Variants in ZNF385D observed in about 807,000 individuals in gnomAD.
ZNF385D encodes the protein zinc finger protein 659.
A neutral mutation model predicts 35.8 loss-of-function variants in ZNF385D; 15 were observed. That is an observed-to-expected ratio of 0.42 (90% CI 0.28 to 0.64). The LOEUF (loss-of-function observed/expected upper bound fraction) is 0.64, where lower values mean the gene tolerates loss of function less well. Ranked by LOEUF, ZNF385D falls within the 30% of genes least tolerant of loss-of-function variation. The pLI is 0.23. For missense variants in ZNF385D, 474 were observed against 494.6 expected, an observed-to-expected ratio of 0.96 and a Z score of 0.39; for synonymous variants, 212 against 186.8, an observed-to-expected ratio of 1.13 and a Z score of -1.10.
chr3:21,820,024 A>G (rs1575714381), intron 3 of ZNF385D, among the ~76,000 whole-genome samples: 2 of 151,336 alleles, frequency 1.3e-5, no homozygotes, highest in Non-Finnish European at 3.0e-5. Flanking sequence ...GCATTTTAGT[A>G]ATAGATTAAG....
At position 21,970,929 on chromosome 3, in the gene ZNF385D, G is replaced by GA. The variant is rs1313250731; in HGVS notation, c.325+197887dup. ...GGCAGGGCATATTTAAAGTGCAAAA[G>GA]AAAAAAAAAACTTTCATCTTAGAGT... is the stretch of plus-strand genomic sequence containing the variant. On this transcript the variant is annotated intron_variant, in intron 3 of 5. Transcript: ENST00000494108. Among the ~76,000 whole-genome samples the GA allele has an allele frequency of 2.7e-3, 392 of 146,636 alleles. 4 individuals carry two copies. Among genetic ancestry groups the GA allele is most frequent in the African/African-American group, 8.6e-3 (344 of 40,058 alleles).
intron 3 of ZNF385D, among the ~76,000 whole-genome samples, chr3:22,121,710 G>C (rs1377828683): frequency 6.7e-6 from 1 of 149,372 alleles, no homozygotes; most frequent in African/African-American, 2.5e-5. Context: ...AGTGAGAATT[G>C]CTGGGTAAAC....
At chr3:22,306,742 G>C (rs1281316584) in intron 2 of ZNF385D, among the ~76,000 whole-genome samples, 3 of 152,130 alleles carry the variant, frequency 2.0e-5, no homozygotes, top group African/African-American at 7.2e-5. Flanking sequence ...TTGCTAATTA[G>C]CTGGGTATGG....
chr3:21,987,400 A>C lies in ZNF385D; in HGVS notation c.325+181417T>G, dbSNP rs2125386181. On this transcript the variant is annotated intron_variant, in intron 3 of 5. Coordinates refer to the ZNF385D transcript ENST00000494108. ...ATCTCTCAGCATTTGCTTGTCTGTA[A>C]AGTATTTTATTTCTCCTTCACTTAT... Among the ~76,000 whole-genome samples, 2 of 116,994 alleles carry C rather than the reference A, an allele frequency of 1.7e-5. 1 individual carries two copies. The highest frequency in any genetic ancestry group is 5.8e-4 in the South Asian group (2 of 3,470). 76.8% of individuals were successfully genotyped at this position (116,994 alleles called of 152,430 possible).
chr3:21,756,715 T>C (rs1243278080), intron 3 of ZNF385D, among the ~76,000 whole-genome samples: 3 of 152,198 alleles, frequency 2.0e-5, no homozygotes, highest in Non-Finnish European at 2.9e-5. Flanking sequence ...GAAAGTATAA[T>C]AACTTTTGAA....
chr3:22,043,734 G>A (rs373839778), intron 3 of ZNF385D, among the ~76,000 whole-genome samples: 1 of 151,302 alleles, frequency 6.6e-6, no homozygotes, highest in Non-Finnish European at 1.5e-5. Context: ...GCTGGACCTA[G>A]AGATTTGCTT....
chr3:21,952,255 G>T (rs1340548844), intron 3 of ZNF385D, among the ~76,000 whole-genome samples: 1 of 151,768 alleles, frequency 6.6e-6, no homozygotes, highest in Non-Finnish European at 1.5e-5. Context: ...TCCTTGCCTG[G>T]CATCTCCACT....
At chr3:22,105,338 C>G (rs1189204466) in intron 3 of ZNF385D, among the ~76,000 whole-genome samples, 1 of 150,394 alleles carries the variant, frequency 6.6e-6, no homozygotes, top group Middle Eastern at 3.2e-3. Flanking sequence ...TTGTATTAGT[C>G]AGGACTCACT....
chr3:21,966,677 G>T (rs1382414098), intron 3 of ZNF385D, among the ~76,000 whole-genome samples: 2 of 152,182 alleles, frequency 1.3e-5, no homozygotes, highest in African/African-American at 4.8e-5. Context: ...TGCCTCCCGG[G>T]TTCAATCGAT....
intron 2 of ZNF385D, among the ~76,000 whole-genome samples, chr3:22,205,835 G>A (rs917825566): frequency 2.0e-5 from 3 of 151,958 alleles, no homozygotes; most frequent in Non-Finnish European, 4.4e-5. Context: ...AGGAAGGAAA[G>A]AAAGAAGGAA....
chr3:21,983,168 T>A (rs992603749), intron 3 of ZNF385D, among the ~76,000 whole-genome samples: 287 of 46,864 alleles, frequency 6.1e-3, no homozygotes, highest in Non-Finnish European at 9.2e-3. Context: ...TATTTTATTA[T>A]TTTTTTTTAT....
At chr3:21,957,764 C>A (rs938135466) in intron 3 of ZNF385D, among the ~76,000 whole-genome samples, 10 of 152,106 alleles carry the variant, frequency 6.6e-5, no homozygotes, top group Admixed American at 3.3e-4. Flanking sequence ...GGTGATAATG[C>A]ATTTAGTCTG....
intron 3 of ZNF385D, among the ~76,000 whole-genome samples, chr3:21,945,462 T>G (rs1413092810): frequency 2.0e-5 from 3 of 152,144 alleles, no homozygotes; most frequent in African/African-American, 7.2e-5. Context: ...CTGTGAAAAC[T>G]TCAACAACTC....
intron 3 of ZNF385D, among the ~76,000 whole-genome samples, chr3:21,962,034 A>G (rs1205322312): frequency 6.6e-6 from 1 of 152,126 alleles, no homozygotes; most frequent in Non-Finnish European, 1.5e-5. Flanking sequence ...GCAACAGAAG[A>G]CACTAAAAAG....
chr3:21,921,837 G>T (rs1429121779), intron 3 of ZNF385D, among the ~76,000 whole-genome samples: 1 of 121,876 alleles, frequency 8.2e-6, no homozygotes, highest in East Asian at 2.4e-4. Context: ...AACTGAATCA[G>T]TAATGAAAAA....
rs570633272 is a variant in ZNF385D, at chr3:21,995,923, G to T, written c.325+172894C>A. Among the ~76,000 whole-genome samples the T allele has an allele frequency of 2.0e-4, 31 of 152,164 alleles. 1 individual carries two copies. In the South Asian group the frequency reaches 6.2e-3, roughly 31 times the overall value. On this transcript the variant is annotated intron_variant, in intron 3 of 5. Coordinates refer to the ZNF385D transcript ENST00000494108. ...CAGTGTGCTACATTGTCTATACCTT[G>T]GGGTGTAGGATACTGTGTGGGCTAG... is the stretch of plus-strand genomic sequence containing the variant.
chr3:22,323,312 G>A (rs940986365), intron 2 of ZNF385D, among the ~76,000 whole-genome samples: 6 of 152,026 alleles, frequency 3.9e-5, no homozygotes, highest in Admixed American at 2.6e-4. Context: ...TATGCCCATC[G>A]TTGATAAAAC....
chr3:22,167,913 G>A (rs991848298), intron 3 of ZNF385D, among the ~76,000 whole-genome samples: 1 of 152,004 alleles, frequency 6.6e-6, no homozygotes, highest in African/African-American at 2.4e-5. Flanking sequence ...TCAAATAAAT[G>A]AAAACCACAT....
At chr3:21,693,399 ACT>A (rs147395133) in intron 1 of ZNF385D, among the ~76,000 whole-genome samples, 60,325 of 151,770 alleles carry the variant, frequency 0.4, 13,475 homozygotes, top group Middle Eastern at 0.52. Context: ...TTAGTCCCAC[ACT>A]CTTTTATTCT....
Sources: gnomAD v4.1 joint callset for allele counts (sites outside exome capture counted in the v4.1 genomes callset) on GRCh38, gnomAD v4.1.1 for gene constraint, MANE v1.5 for transcripts, NCBI Gene and HGNC (gene_info 2026-07-23, HGNC 2026-07-21) for gene names.